Variants in EPHB2 observed in about 807,000 individuals in gnomAD.
The protein encoded by EPHB2 is EPH receptor B2, also known as ephrin type-B receptor 2.
In EPHB2, 18 loss-of-function variants were observed where a neutral mutation model predicts 96.4. That is an observed-to-expected ratio of 0.19 (90% confidence interval 0.13 to 0.28). EPHB2 has a LOEUF of 0.28. Ranked by LOEUF, EPHB2 falls within the 10% of genes least tolerant of loss-of-function variation. The pLI is 1.00. For missense variants in EPHB2, 989 were observed against 1,355.4 expected (o/e 0.73, Z 4.25); for synonymous variants, 506 against 534.1 (o/e 0.95, Z 0.72).
chr1:22,798,867 G>A (rs1361665213), intron 3 of EPHB2, among the ~76,000 whole-genome samples: 7 of 152,068 alleles, frequency 4.6e-5, no homozygotes, highest in African/African-American at 7.2e-5. Flanking sequence ...GGCATTGTCC[G>A]GCCGCAGGAT....
At chr1:22,900,915 G>T (rs1639729186) in intron 9 of EPHB2, among the ~76,000 whole-genome samples, 1 of 152,174 alleles carries the variant, frequency 6.6e-6, no homozygotes, top group African/African-American at 2.4e-5. Flanking sequence ...CGGCCCCATG[G>T]TTTCCATCAT....
At chr1:22,763,147 C>T (rs1644258164) in intron 1 of EPHB2, among the ~76,000 whole-genome samples, 1 of 152,178 alleles carries the variant, frequency 6.6e-6, no homozygotes, top group Admixed American at 6.5e-5. Flanking sequence ...ACCTGAGCTG[C>T]CTGGGTCTGG....
chr1:22,906,186 G>A lies in EPHB2; in HGVS notation c.1888+77G>A. On this transcript the variant is annotated intron_variant, in intron 10 of 15. Transcript: ENST00000374630. This position sits in a 1 kb window ranked among gnomAD's most constrained non-coding sequence, Gnocchi z 4.8. ...GACCACCCCAATGTATACCCTTGGG[G>A]CAGAAGGTAGGATGTGGGACAGGCG... 3 of 1,607,592 alleles carry A rather than the reference G, an allele frequency of 1.9e-6. No individual in the cohort carries two copies. Among genetic ancestry groups the A allele is most frequent in the Non-Finnish European group, 2.5e-6 (3 of 1,177,072 alleles).
intron 1 of EPHB2, among the ~76,000 whole-genome samples, chr1:22,748,813 T>G (rs1159553183): frequency 3.3e-5 from 5 of 149,562 alleles, no homozygotes; most frequent in African/African-American, 4.9e-5. Context: ...CTCCAATTCT[T>G]TCTAGAAATA....
intron 1 of EPHB2, among the ~76,000 whole-genome samples, chr1:22,757,250 C>T (rs751314056): frequency 2.6e-5 from 4 of 151,994 alleles, no homozygotes; most frequent in Non-Finnish European, 2.9e-5. Context: ...CCCTACCCTC[C>T]GAGAGACCCC....
At chr1:22,873,926 C>A (rs1049962676) in intron 5 of EPHB2, among the ~76,000 whole-genome samples, 3 of 152,182 alleles carry the variant, frequency 2.0e-5, no homozygotes, top group African/African-American at 7.2e-5. Context: ...TAGCTAAGAA[C>A]CAGGATTTTG....
At chr1:22,834,515 G>T (rs573915086) in intron 3 of EPHB2, among the ~76,000 whole-genome samples, 1 of 152,236 alleles carries the variant, frequency 6.6e-6, no homozygotes, top group South Asian at 2.1e-4. Flanking sequence ...GCCTTTGTGG[G>T]TTTTACAATC....
intron 7 of EPHB2, 83 bp downstream of exon 7, chr1:22,893,129 C>T (rs912414041): frequency 3.1e-6 from 5 of 1,607,366 alleles, no homozygotes; most frequent in African/African-American, 2.7e-5. Flanking sequence ...CATGAAGCAC[C>T]TTTGTGCAGA....
intron 3 of EPHB2, among the ~76,000 whole-genome samples, chr1:22,791,471 CTTTTTTTTTT>C (rs55650452): frequency 3.2e-5 from 3 of 92,888 alleles, no homozygotes; most frequent in African/African-American, 1.3e-4. Context: ...TTCTTTCTTT[CTTTTTTTTTT>C]TTTTTTTTTC....
chr1:22,882,809 A>C (rs546987660), intron 6 of EPHB2: 4 of 355,046 alleles, frequency 1.1e-5, no homozygotes, highest in South Asian at 4.6e-5. Flanking sequence ...GTTGGGAAAA[A>C]CTGGGTTTCC....
intron 3 of EPHB2, among the ~76,000 whole-genome samples, chr1:22,796,921 T>C (rs1419066727): frequency 6.6e-6 from 1 of 152,230 alleles, no homozygotes; most frequent in Non-Finnish European, 1.5e-5. Context: ...GTCACACAGC[T>C]AATGGACAGA....
chr1:22,921,145 G>T lies in EPHB2; in HGVS notation c.*7575G>T, dbSNP rs894016075. ...CCTGGAGCTGCTGTCAGAGCCATGGGCTGTGGGAGTGAGTGTGCACACTCC... is the reference window on the plus strand; with the variant it reads ...CCTGGAGCTGCTGTCAGAGCCATGGTCTGTGGGAGTGAGTGTGCACACTCC... On this transcript the variant is annotated 3_prime_UTR_variant, in exon 16 of 16. Transcript: ENST00000374630. The T allele has an allele frequency of 3.3e-5, 5 of 152,336 alleles. No homozygotes were observed. Among genetic ancestry groups the T allele is most frequent in the Non-Finnish European group, 1.5e-5 (1 of 68,150 alleles). The allele number at this position is 152,336 out of a possible 1,614,324, so 9.4% of individuals were successfully genotyped here.
chr1:22,731,994 A>G (rs1425699890), intron 1 of EPHB2, among the ~76,000 whole-genome samples: 1 of 152,224 alleles, frequency 6.6e-6, no homozygotes, highest in East Asian at 1.9e-4. Flanking sequence ...GGGTCTCAGG[A>G]CTTGCAGAAC....
Position 22,750,979 on chromosome 1 carries a change from G to A in EPHB2, c.62-30442G>A, listed in dbSNP as rs531136553. Among the ~76,000 whole-genome samples the A allele has an allele frequency of 1.2e-3, 179 of 152,352 alleles. 2 individuals are homozygous for A. Among genetic ancestry groups the A allele is most frequent in the African/African-American group, 3.9e-3 (163 of 41,578 alleles). ...ACTACCTCTGATTCTCAGAATTGGT[G>A]CTGGCTCTCTTCTAGTTCCAGCAGT... On this transcript the variant is annotated intron_variant, in intron 1 of 15. Transcript: ENST00000374630.
chr1:22,772,007 C>T (rs1283441683), intron 1 of EPHB2, among the ~76,000 whole-genome samples: 1 of 152,058 alleles, frequency 6.6e-6, no homozygotes, highest in Non-Finnish European at 1.5e-5. Context: ...AGGGCTGTTC[C>T]CGTCCCTGCC....
At chr1:22,877,766 A>T (rs1484950399) in intron 5 of EPHB2, among the ~76,000 whole-genome samples, 2 of 152,162 alleles carry the variant, frequency 1.3e-5, no homozygotes, top group Non-Finnish European at 2.9e-5. Context: ...GTAGCCTTGG[A>T]CAAGTCACTT....
intron 7 of EPHB2, among the ~76,000 whole-genome samples, chr1:22,894,597 CAAAA>C (rs569570637): frequency 7.9e-6 from 1 of 126,064 alleles, no homozygotes; most frequent in Admixed American, 8.1e-5. Context: ...ACTCCCACTC[CAAAA>C]AAAAAAAAAA....
chr1:22,802,643 T>C (rs962081657), intron 3 of EPHB2, among the ~76,000 whole-genome samples: 1 of 151,978 alleles, frequency 6.6e-6, no homozygotes, highest in Non-Finnish European at 1.5e-5. Context: ...CATCCCCCTG[T>C]CCACCCGCAC....
intron 2 of EPHB2, 120 bp downstream of exon 2, chr1:22,781,605 C>A: frequency 2.2e-6 from 2 of 914,012 alleles, no homozygotes; most frequent in Non-Finnish European, 3.5e-6. Context: ...CAGAGCCAGG[C>A]CTCTCTCAGC....
Sources: gnomAD v4.1 joint callset for allele counts (sites outside exome capture counted in the v4.1 genomes callset) on GRCh38, gnomAD v4.1.1 for gene constraint, Gnocchi (gnomAD v3.1) non-coding constraint, MANE v1.5 for transcripts, NCBI Gene and HGNC (gene_info 2026-07-23, HGNC 2026-07-21) for gene names.